Variants in ZNF438 observed in about 807,000 individuals in gnomAD.
ZNF438 encodes zinc finger protein 438.
In ZNF438, 25 loss-of-function variants were observed where a neutral mutation model predicts 38.0. The observed-to-expected ratio is 0.66, with a 90% CI of 0.48 to 0.92. The LOEUF (loss-of-function observed/expected upper bound fraction) is 0.92. ZNF438 is among the 40% of genes least tolerant of loss of function. The pLI, the probability that ZNF438 is intolerant of heterozygous loss-of-function variation, is 0.00. For synonymous variants in ZNF438, 372 were observed against 364.1 expected (o/e 1.02, Z -0.25); for missense variants, 1,007 against 999.6 (o/e 1.01, Z -0.10).
At chr10:30,852,592 T>A (rs1234466859) in intron 4 of ZNF438, among the ~76,000 whole-genome samples, 2 of 152,226 alleles carry the variant, frequency 1.3e-5, no homozygotes, top group African/African-American at 4.8e-5. Flanking sequence ...TGACACCGCC[T>A]AAATAAACAA....
chr10:30,934,494 A>G (rs1564675468), intron 2 of ZNF438, among the ~76,000 whole-genome samples: 2 of 152,214 alleles, frequency 1.3e-5, no homozygotes. Context: ...TTGTATACAT[A>G]TATTTGAAGC....
At chr10:30,848,720 C>G in exon 5 of ZNF438, 1 of 1,614,210 alleles carries the variant, frequency 6.2e-7, no homozygotes, top group Non-Finnish European at 8.5e-7. Flanking sequence ...TTTCTTCAGA[C>G]GGTTCTCACC....
chr10:30,977,705 C>T (rs1301671240), intron 1 of ZNF438, among the ~76,000 whole-genome samples: 1 of 152,172 alleles, frequency 6.6e-6, no homozygotes, highest in Non-Finnish European at 1.5e-5. Context: ...AGATTCTGGG[C>T]CCGGCACGGT....
intron 1 of ZNF438, among the ~76,000 whole-genome samples, chr10:31,005,910 C>A (rs947163601): frequency 7.2e-5 from 11 of 152,126 alleles, no homozygotes; most frequent in African/African-American, 2.7e-4. Context: ...AATATCAGCT[C>A]TTTCATTTAT....
chr10:30,891,471 T>C (rs1366667275), intron 3 of ZNF438, among the ~76,000 whole-genome samples: 1 of 152,194 alleles, frequency 6.6e-6, no homozygotes, highest in African/African-American at 2.4e-5. Context: ...ATAATTAAGT[T>C]TATTTGATTT....
chr10:30,929,581 C>G (rs1055881605), intron 2 of ZNF438, among the ~76,000 whole-genome samples: 1 of 152,182 alleles, frequency 6.6e-6, no homozygotes, highest in Non-Finnish European at 1.5e-5. Context: ...CTTTCACAAA[C>G]AAAGTACGGA....
intron 2 of ZNF438, among the ~76,000 whole-genome samples, chr10:30,940,818 A>C (rs1247851814): frequency 6.6e-6 from 1 of 152,226 alleles, no homozygotes; most frequent in Non-Finnish European, 1.5e-5. Context: ...TTACACAAAC[A>C]GTTAATAAAC....
rs563189482 is a variant in ZNF438, at chr10:31,010,892, G to GAAA, written c.-192+20938_-192+20940dup. ...TGGATAACGAAGTGAGACCCTGTTT[G>GAAA]AAAAAAAAAAAAAAAAAAAAAAAAA... On this transcript the variant is annotated intron_variant, in intron 1 of 5. Coordinates refer to ENST00000413025, the Ensembl canonical transcript of ZNF438. Among the ~76,000 whole-genome samples, 469 of 92,528 alleles carry GAAA rather than the reference G, an allele frequency of 5.1e-3. 39 individuals are homozygous for GAAA. Among genetic ancestry groups the GAAA allele is most frequent in the African/African-American group, 0.022 (412 of 18,668 alleles). 60.7% of individuals were successfully genotyped at this position (92,528 alleles called of 152,430 possible). A position where few individuals can be genotyped will look rare whatever the true frequency, so the allele number is the denominator to read the frequency against.
intron 3 of ZNF438, among the ~76,000 whole-genome samples, chr10:30,891,150 A>G (rs1356226727): frequency 6.6e-6 from 1 of 152,136 alleles, no homozygotes; most frequent in African/African-American, 2.4e-5. Flanking sequence ...TAATCAGAAA[A>G]TTTGTGCATT....
At chr10:30,913,923 A>C (rs1484086497) in intron 2 of ZNF438, among the ~76,000 whole-genome samples, 1 of 152,140 alleles carries the variant, frequency 6.6e-6, no homozygotes, top group Non-Finnish European at 1.5e-5. Context: ...TAGCATATTA[A>C]GCCATAGACA....
intron 1 of ZNF438, among the ~76,000 whole-genome samples, chr10:30,992,875 A>C (rs895854561): frequency 6.6e-6 from 1 of 152,232 alleles, no homozygotes; most frequent in Non-Finnish European, 1.5e-5. Context: ...GACACGCCTC[A>C]AGGCTATGTC....
chr10:30,862,102 A>T (rs2035678562), intron 4 of ZNF438, among the ~76,000 whole-genome samples: 1 of 152,232 alleles, frequency 6.6e-6, no homozygotes, highest in Non-Finnish European at 1.5e-5. Flanking sequence ...GCAGCAGGTC[A>T]TTTCATTTGA....
intron 1 of ZNF438, among the ~76,000 whole-genome samples, chr10:30,987,291 G>C (rs1310862923): frequency 2.8e-5 from 4 of 144,996 alleles, no homozygotes; most frequent in African/African-American, 1.0e-4. Flanking sequence ...TTGCACTTCA[G>C]CCTGGGCAAC....
intron 1 of ZNF438, among the ~76,000 whole-genome samples, chr10:31,005,283 A>G (rs928669385): frequency 1.3e-5 from 2 of 152,146 alleles, no homozygotes; most frequent in African/African-American, 2.4e-5. Flanking sequence ...GTGTGTGTGT[A>G]TATATATATG....
intron 4 of ZNF438, among the ~76,000 whole-genome samples, chr10:30,869,352 C>A (rs186075117): frequency 5.3e-5 from 8 of 150,478 alleles, no homozygotes; most frequent in African/African-American, 2.0e-4. Context: ...CCAGCCTGGA[C>A]AACAAGAGCT....
chr10:31,027,998 T>C (rs894645591), intron 1 of ZNF438, among the ~76,000 whole-genome samples: 2 of 152,176 alleles, frequency 1.3e-5, no homozygotes, highest in African/African-American at 4.8e-5. Context: ...GGTTATGGTA[T>C]GCCATGAAAG....
At chr10:30,974,560 G>C (rs1338323627) in intron 1 of ZNF438, among the ~76,000 whole-genome samples, 1 of 152,132 alleles carries the variant, frequency 6.6e-6, no homozygotes, top group Non-Finnish European at 1.5e-5. Context: ...TTACAATAGG[G>C]ACAATCGACT....
intron 2 of ZNF438, among the ~76,000 whole-genome samples, chr10:30,934,604 C>G (rs56352592): frequency 0.079 from 12,085 of 152,274 alleles, 573 homozygotes; most frequent in Non-Finnish European, 0.11. Context: ...TTTTGAAAAG[C>G]AGTTTTGTAA....
At chr10:30,988,731 T>C (rs2053133512) in intron 1 of ZNF438, among the ~76,000 whole-genome samples, 1 of 152,014 alleles carries the variant, frequency 6.6e-6, no homozygotes, top group Admixed American at 6.5e-5. Flanking sequence ...GGTTCGCCAA[T>C]ATGATGAAAC....
Sources: allele counts gnomAD v4.1 joint callset (sites outside exome capture counted in the v4.1 genomes callset), GRCh38; gene constraint gnomAD v4.1.1; transcripts MANE v1.5; gene names NCBI Gene and HGNC (gene_info 2026-07-23, HGNC 2026-07-21).